NVL: variants seen among roughly 807,000 people sequenced by gnomAD.
The protein encoded by NVL is nuclear valosin-containing protein-like.
NVL carries 84 observed loss-of-function variants against 110.2 expected under a neutral mutation model. The ratio of observed to expected loss-of-function variants is 0.76; its 90% CI spans 0.64 to 0.91. NVL has a LOEUF of 0.91. Ranked by LOEUF, NVL falls within the 40% of genes least tolerant of loss-of-function variation. The pLI, the probability that NVL is intolerant of heterozygous loss-of-function variation, is 0.00. For missense variants in NVL, 882 were observed against 1,035.9 expected (o/e 0.85, Z 2.04); for synonymous variants, 354 against 361.1 (o/e 0.98, Z 0.22).
intron 18 of NVL, chr1:224,257,010 A>G (rs1176623379): frequency 7.8e-6 from 4 of 511,234 alleles, no homozygotes; most frequent in South Asian, 1.5e-5. Context: ...CTGGTTCCCT[A>G]TCTAATTATG....
At chr1:224,314,821 A>G (rs1162844483) in intron 4 of NVL, among the ~76,000 whole-genome samples, 1 of 152,190 alleles carries the variant, frequency 6.6e-6, no homozygotes, top group Non-Finnish European at 1.5e-5. Context: ...GTAGAAAAAG[A>G]TTAGTAAATC....
In NVL at chr1:224,289,517, T is replaced by C. The variant is rs756957886; in HGVS notation, c.1542A>G (p.Glu514=). The part of the protein sequence containing the change: ...EDLPSKGVQE[E]RLGTEPTSET... ...CAGAAGTGGGCTCAGTTCCCAGCCT[T>C]TCCTCCTGGACTCCTTTAGATGGCA... The change falls in exon 13 of 23, where the codon GAA becomes GAG. Residue 514 remains glutamate, a synonymous_variant. Transcript: ENST00000281701. The C allele has an allele frequency of 3.1e-6, 5 of 1,614,240 alleles. No individual in the cohort carries two copies. The highest frequency in any genetic ancestry group is 1.1e-5 in the South Asian group (1 of 91,088).
chr1:224,299,066 C>T (rs956963742), intron 10 of NVL, among the ~76,000 whole-genome samples: 2 of 152,104 alleles, frequency 1.3e-5, no homozygotes, highest in African/African-American at 2.4e-5. Context: ...AGTGATTATG[C>T]TAAGTAAGGC....
chr1:224,264,456 C>T (rs998652804), intron 18 of NVL, among the ~76,000 whole-genome samples: 1 of 152,046 alleles, frequency 6.6e-6, no homozygotes, highest in African/African-American at 2.4e-5. Flanking sequence ...CCATGTTGAG[C>T]AGGCTGGTCT....
intron 12 of NVL, among the ~76,000 whole-genome samples, chr1:224,292,949 T>G (rs1372157719): frequency 6.6e-6 from 1 of 152,076 alleles, no homozygotes; most frequent in Non-Finnish European, 1.5e-5. Context: ...GAGATGGGGT[T>G]TCACCATGTT....
intron 6 of NVL, among the ~76,000 whole-genome samples, chr1:224,306,272 AT>A (rs976159057): frequency 6.2e-4 from 91 of 147,830 alleles, no homozygotes; most frequent in Middle Eastern, 3.5e-3. Context: ...TTAAAAAAAA[AT>A]TTTTTTTTTT....
Position 224,253,731 on chromosome 1 carries a change from C to CAAAAA in NVL, c.2183-3418_2183-3414dup, listed in dbSNP as rs770232348. Among the ~76,000 whole-genome samples the CAAAAA allele has an allele frequency of 1.4e-4, 8 of 55,788 alleles. 2 individuals are homozygous for CAAAAA. The highest frequency in any genetic ancestry group is 2.2e-4 in the Non-Finnish European group (6 of 26,950). 36.6% of individuals were successfully genotyped at this position (55,788 alleles called of 152,430 possible). On this transcript the variant is annotated intron_variant, in intron 18 of 22. Coordinates refer to ENST00000281701, the MANE Select transcript of NVL (RefSeq NM_002533.4). ...CTTGGGACAGAGCAAGGCTCGGTCT[C>CAAAAA]AAAAAAAAAAAAAAAAAGAAAAGAA...
At chr1:224,314,411 T>C (rs1347562266) in intron 4 of NVL, among the ~76,000 whole-genome samples, 1 of 152,268 alleles carries the variant, frequency 6.6e-6, no homozygotes, top group Non-Finnish European at 1.5e-5. Context: ...CCTGTAGACA[T>C]TAAAAGGATA....
chr1:224,263,908 G>A (rs999429229), intron 18 of NVL, among the ~76,000 whole-genome samples: 3 of 152,090 alleles, frequency 2.0e-5, no homozygotes, highest in Non-Finnish European at 2.9e-5. Flanking sequence ...CCAGCTACTC[G>A]GGAGGCTGAG....
chr1:224,317,171 T>C (rs1670175203), intron 4 of NVL, among the ~76,000 whole-genome samples: 1 of 151,660 alleles, frequency 6.6e-6, no homozygotes, highest in Non-Finnish European at 1.5e-5. Context: ...TAGAGCTTAC[T>C]GATGTCAATT....
intron 18 of NVL, chr1:224,256,964 C>T (rs753906809): frequency 8.5e-6 from 4 of 470,746 alleles, no homozygotes; most frequent in Middle Eastern, 3.3e-4. Flanking sequence ...CAAACCACCA[C>T]CACCTTGCAC....
chr1:224,235,287 C>A (rs1420958342), intron 20 of NVL, among the ~76,000 whole-genome samples: 1 of 152,158 alleles, frequency 6.6e-6, no homozygotes, highest in Non-Finnish European at 1.5e-5. Flanking sequence ...CCTGTCTCAG[C>A]CTCCCTAGTA....
intron 15 of NVL, among the ~76,000 whole-genome samples, chr1:224,284,733 T>C (rs757857814): frequency 6.6e-6 from 1 of 152,200 alleles, no homozygotes; most frequent in Non-Finnish European, 1.5e-5. Context: ...ACAGCATTTT[T>C]ACCTATTAAA....
chr1:224,320,579 G>A (rs528127956), intron 2 of NVL, among the ~76,000 whole-genome samples: 18 of 152,118 alleles, frequency 1.2e-4, no homozygotes, highest in Admixed American at 7.9e-4. Context: ...CCCAGGAGGT[G>A]GAGGTTGCAG....
intron 12 of NVL, among the ~76,000 whole-genome samples, chr1:224,291,834 T>C (rs1366817768): frequency 6.6e-6 from 1 of 152,122 alleles, no homozygotes; most frequent in Non-Finnish European, 1.5e-5. Context: ...TAACAGAAAA[T>C]AATATCGCCC....
rs565055852 is a variant in NVL at position 224,289,483 on chromosome 1, C to T, written c.1575+1G>A. The T allele has an allele frequency of 1.9e-6, 3 of 1,613,946 alleles. No individual in the cohort carries two copies. The highest frequency in any genetic ancestry group is 1.6e-4 in the Middle Eastern group (1 of 6,062). ...ATTTAAGGTGCCTTTAGAGAAAGCA[C>T]CTGTGTTTCAGAAGTGGGCTCAGTT... On this transcript the variant is annotated splice_donor_variant, in intron 13 of 22. Transcript: ENST00000281701. LOFTEE classifies it high-confidence loss of function.
intron 1 of NVL, among the ~76,000 whole-genome samples, chr1:224,327,685 G>C (rs1671273070): frequency 6.6e-6 from 1 of 151,590 alleles, no homozygotes. Flanking sequence ...ATATTCATTT[G>C]TACTTTTATA....
chr1:224,256,883 T>G (rs570105630), intron 18 of NVL: 23 of 403,064 alleles, frequency 5.7e-5, no homozygotes, highest in African/African-American at 4.6e-4. Context: ...AACTACTCCA[T>G]TAGCAAATCA....
chr1:224,288,858 C>T (rs1301699959), intron 13 of NVL, among the ~76,000 whole-genome samples: 1 of 152,166 alleles, frequency 6.6e-6, no homozygotes, highest in African/African-American at 2.4e-5. Context: ...TTTCATGACT[C>T]ATAAAACTAA....
Sources: gnomAD v4.1 joint callset for allele counts (sites outside exome capture counted in the v4.1 genomes callset) on GRCh38, gnomAD v4.1.1 for gene constraint, MANE v1.5 for transcripts, NCBI Gene and HGNC (gene_info 2026-07-23, HGNC 2026-07-21) for gene names.